TTYH2: variants seen among roughly 807,000 people sequenced by gnomAD.
TTYH2 encodes tweety family member 2, also known as protein tweety homolog 2.
A neutral mutation model predicts 68.3 loss-of-function variants in TTYH2; 49 were observed. The observed-to-expected ratio is 0.72, with a 90% CI of 0.57 to 0.91. The LOEUF (loss-of-function observed/expected upper bound fraction) is 0.91, where lower values mean the gene tolerates loss of function less well. TTYH2 is among the 40% of genes least tolerant of loss of function. The probability of loss-of-function intolerance (pLI) is 0.00; values close to 1 mark genes in which losing one functional copy is unlikely to be tolerated. For synonymous variants in TTYH2, 272 were observed against 300.8 expected (o/e 0.90, Z 0.99); for missense variants, 631 against 700.4 (o/e 0.90, Z 1.12).
At chr17:74,248,378 C>T in intron 6 of TTYH2, 1 of 986,916 alleles carries the variant, frequency 1.0e-6, no homozygotes, top group Non-Finnish European at 1.2e-6. Context: ...CTTAGCCAGG[C>T]CGTGCTGTGG....
At chr17:74,225,317 T>A (rs554021651) in intron 2 of TTYH2, among the ~76,000 whole-genome samples, 49 of 148,124 alleles carry the variant, frequency 3.3e-4, no homozygotes, top group South Asian at 6.4e-4. Context: ...TGAGTGGCAG[T>A]GGGATGGGGA....
Position 74,215,722 on chromosome 17 carries a change from C to T in TTYH2, c.129+2006C>T, listed in dbSNP as rs763016448. 27 of 1,535,404 alleles carry T rather than the reference C, an allele frequency of 1.8e-5. No homozygotes were observed. In the Middle Eastern group the frequency reaches 8.3e-4, roughly 47 times the overall value. The stretch of plus-strand genomic sequence containing the variant: ...GTGGCTCCTGTTTTTGGTAAGTTCC[C>T]CTGTTGTGACCACAGGTCTCTCCTG... On this transcript the variant is annotated intron_variant, in intron 1 of 13. Coordinates refer to ENST00000269346, the MANE Select transcript of TTYH2 (RefSeq NM_032646.6). This position sits in a 1 kb window ranked among gnomAD's most constrained non-coding sequence, Gnocchi z 4.3.
intron 3 of TTYH2, among the ~76,000 whole-genome samples, chr17:74,231,521 G>C (rs1401270740): frequency 6.6e-6 from 1 of 151,850 alleles, no homozygotes; most frequent in African/African-American, 2.4e-5. Context: ...AACCCTGTCT[G>C]TACCAAAAAT....
chr17:74,216,547 GT>G (rs1216855279), intron 1 of TTYH2, among the ~76,000 whole-genome samples: 1 of 152,226 alleles, frequency 6.6e-6, no homozygotes, highest in Non-Finnish European at 1.5e-5. Context: ...TTTCTGGGGT[GT>G]TTGGGAGCCG....
chr17:74,238,574 T>C (rs951910019), intron 4 of TTYH2, among the ~76,000 whole-genome samples: 8 of 151,314 alleles, frequency 5.3e-5, no homozygotes, highest in Admixed American at 6.6e-5. Flanking sequence ...TTTAAAAAAA[T>C]TTTTTTTTGC....
intron 12 of TTYH2, 93 bp downstream of exon 12, chr17:74,253,359 C>A: frequency 6.9e-7 from 1 of 1,441,888 alleles, no homozygotes; most frequent in Non-Finnish European, 9.2e-7. Flanking sequence ...GGAAGGCATC[C>A]AAGGCCACCC....
Position 74,260,173 on chromosome 17 carries a change from G to C in TTYH2, c.1569G>C (p.Glu523Asp). Residue 523 changes from glutamate to aspartate, a missense_variant, in exon 14 of 14, where the codon GAG becomes GAC. Coordinates refer to ENST00000269346, the MANE Select transcript of TTYH2 (RefSeq NM_032646.6). Reference protein sequence around the residue: ...MRATYLSVADEHLRHYGNQFP... With the variant: ...MRATYLSVADDHLRHYGNQFP... ...CCACCTACCTGTCTGTGGCGGATGA[G>C]CACCTGAGGCACTACGGGAATCAGT... 1 of 1,613,944 alleles carries C rather than the reference G, an allele frequency of 6.2e-7. No homozygotes were observed. Among genetic ancestry groups the C allele is most frequent in the Non-Finnish European group, 8.5e-7 (1 of 1,179,906 alleles).
At chr17:74,251,000 G>A (rs539197633) in intron 10 of TTYH2, among the ~76,000 whole-genome samples, 9 of 152,304 alleles carry the variant, frequency 5.9e-5, no homozygotes, top group African/African-American at 1.4e-4. Context: ...TTGCTTGTGC[G>A]TGTGTATGGA....
chr17:74,214,073 G>A lies in TTYH2; in HGVS notation c.129+357G>A, dbSNP rs1446817637. ...GCATTCGTCTCGGGGTAATCCTGGC[G>A]CGCGAGGTGCGGGGATGCTGAGGGG... On this transcript the variant is annotated intron_variant, in intron 1 of 13. Transcript: ENST00000269346. The surrounding 1 kb of genome is among the most constrained non-coding windows in gnomAD (Gnocchi z 4.6). 2.6e-5 allele frequency among the ~76,000 whole-genome samples: 4 copies of A among 152,200 alleles called. No individual in the cohort carries two copies. The highest frequency in any genetic ancestry group is 2.6e-4 in the Admixed American group (4 of 15,286).
intron 3 of TTYH2, among the ~76,000 whole-genome samples, chr17:74,231,731 A>G (rs1172489123): frequency 6.6e-6 from 1 of 151,772 alleles, no homozygotes; most frequent in East Asian, 1.9e-4. Flanking sequence ...GGTAGTGGAG[A>G]CCTGCCCCAG....
rs747970043 is a variant in TTYH2, at chr17:74,222,563, G to A, written c.208G>A (p.Ala70Thr). 1.9e-6 allele frequency: 3 copies of A among 1,612,664 alleles called. No homozygotes were observed. The highest frequency in any genetic ancestry group is 2.5e-6 in the Non-Finnish European group (3 of 1,180,006). ...LIFLVAYLVC[A>T]CHCRRDDAVQ... ...CTTCCTTGTGGCTTACCTGGTCTGTGCATGCCACTGCCGGCGGGACGATGC... is the reference window on the plus strand; with the variant it reads ...CTTCCTTGTGGCTTACCTGGTCTGTACATGCCACTGCCGGCGGGACGATGC... Residue 70 changes from alanine (A) to threonine (T), a missense_variant, in exon 2 of 14, where the codon GCA becomes ACA. By Grantham distance (58) the Ala-to-Thr change is moderately conservative. Coordinates refer to ENST00000269346, the MANE Select transcript of TTYH2 (RefSeq NM_032646.6). This position sits in a 1 kb window ranked among gnomAD's most constrained non-coding sequence, Gnocchi z 5.2.
chr17:74,225,513 G>T (rs1188166304), intron 2 of TTYH2, among the ~76,000 whole-genome samples: 1 of 152,188 alleles, frequency 6.6e-6, no homozygotes, highest in Non-Finnish European at 1.5e-5. Flanking sequence ...GGAGTATTCG[G>T]AACAGTGGGA....
chr17:74,222,758 G>C lies in TTYH2; in HGVS notation c.302+101G>C. 7.4e-7 allele frequency: 1 copy of C among 1,343,572 alleles called. No individual in the cohort carries two copies. The highest frequency in any genetic ancestry group is 1.6e-5 in the South Asian group (1 of 64,348). The allele number at this position is 1,343,572 out of a possible 1,614,324, so 83.2% of individuals were successfully genotyped here. A position where few individuals can be genotyped will look rare whatever the true frequency, so the allele number is the denominator to read the frequency against. ...TGACGGAGCTCCAGCTACCTTGATG[G>C]AAAAGCTTGTCCCCAGATGAATGTT... is the stretch of plus-strand genomic sequence containing the variant. On this transcript the variant is annotated intron_variant, in intron 2 of 13. Coordinates refer to ENST00000269346, the MANE Select transcript of TTYH2 (RefSeq NM_032646.6). This position sits in a 1 kb window ranked among gnomAD's most constrained non-coding sequence, Gnocchi z 5.2.
intron 10 of TTYH2, among the ~76,000 whole-genome samples, chr17:74,251,230 ATGTG>A (rs915951327): frequency 1.4e-5 from 2 of 142,782 alleles, no homozygotes; most frequent in African/African-American, 5.2e-5. Flanking sequence ...ATGTGCCTGT[ATGTG>A]TGTGTGGGGT....
chr17:74,230,830 A>G, intron 2 of TTYH2, 58 bp from the exon 3 acceptor site: 2 of 1,566,102 alleles, frequency 1.3e-6, no homozygotes, highest in South Asian at 2.3e-5. Context: ...TTTTTAATAT[A>G]AGCAAACATT....
chr17:74,236,043 G>A lies in TTYH2; in HGVS notation c.415-1251G>A, dbSNP rs149232214. Among the ~76,000 whole-genome samples, 422 of 152,304 alleles carry A rather than the reference G, an allele frequency of 2.8e-3. 2 individuals are homozygous for A. Among genetic ancestry groups the A allele is most frequent in the African/African-American group, 9.4e-3 (391 of 41,564 alleles). The stretch of plus-strand genomic sequence containing the variant: ...AATGTTTTTAACTGGATGGCCAGCC[G>A]TCAACTTTCTATTTCTGTCTTGCAT... On this transcript the variant is annotated intron_variant, in intron 3 of 13. Coordinates refer to ENST00000269346, the MANE Select transcript of TTYH2 (RefSeq NM_032646.6).
chr17:74,257,628 C>A (rs2050706557), intron 13 of TTYH2, among the ~76,000 whole-genome samples: 1 of 152,168 alleles, frequency 6.6e-6, no homozygotes, highest in African/African-American at 2.4e-5. Context: ...TACAGCCTGT[C>A]CCTTGCTGGA....
chr17:74,248,607 T>C, intron 6 of TTYH2: 1 of 1,067,644 alleles, frequency 9.4e-7, no homozygotes, highest in Non-Finnish European at 1.1e-6. Context: ...GATGAGGCCA[T>C]GGTGTAACGA....
chr17:74,245,025 G>A (rs1025073936), intron 6 of TTYH2, among the ~76,000 whole-genome samples: 1 of 152,206 alleles, frequency 6.6e-6, no homozygotes, highest in Non-Finnish European at 1.5e-5. Flanking sequence ...CCTGAGGCTT[G>A]ATAGGATAAG....
Sources: gnomAD v4.1 joint callset for allele counts (sites outside exome capture counted in the v4.1 genomes callset) on GRCh38, gnomAD v4.1.1 for gene constraint, Gnocchi (gnomAD v3.1) non-coding constraint, MANE v1.5 for transcripts, NCBI Gene and HGNC (gene_info 2026-07-23, HGNC 2026-07-21) for gene names.